The following LRIG3 variants were observed in gnomAD, a reference collection of about 807,000 sequenced individuals.
LRIG3 encodes leucine rich repeats and immunoglobulin like domains 3.
In LRIG3, 76 loss-of-function variants were observed where a neutral mutation model predicts 114.5. The ratio of observed to expected loss-of-function variants is 0.66; its 90% CI spans 0.55 to 0.80. The LOEUF (loss-of-function observed/expected upper bound fraction) is 0.80. LRIG3 is among the 30% of genes least tolerant of loss of function. LRIG3 has a pLI of 0.00. For missense variants in LRIG3, 1,239 were observed against 1,382.8 expected (o/e 0.90, Z 1.65); for synonymous variants, 512 against 519.8 (o/e 0.98, Z 0.20).
chr12:58,880,820 G>C lies in LRIG3; in HGVS notation c.1562C>G (p.Ser521Ter), dbSNP rs1310530851. 6.2e-7 allele frequency: 1 copy of C among 1,614,188 alleles called. No individual in the cohort carries two copies. Among genetic ancestry groups the C allele is most frequent in the Admixed American group, 1.7e-5 (1 of 60,038 alleles). The change falls in exon 13 of 19, where the codon TCA becomes TGA. Residue 521 changes from serine to a stop codon, truncating the protein, a stop_gained. Coordinates refer to ENST00000320743, the MANE Select transcript of LRIG3 (RefSeq NM_153377.5). LOFTEE classifies it high-confidence loss of function. Reference sequence around the variant, plus strand: ...TGGGGAATCACTGCTGCTGGCAGCTGAGCAGATGAAACTCAAATTGGAACC... The same window carrying C: ...TGGGGAATCACTGCTGCTGGCAGCTCAGCAGATGAAACTCAAATTGGAACC... ...IKGSNLSFICSAASSSDSPMT... is the reference protein window; with the variant it reads ...IKGSNLSFIC
At chr12:58,919,362 C>G (rs992275293) in intron 1 of LRIG3, 25 of 1,548,908 alleles carry the variant, frequency 1.6e-5, no homozygotes, top group Non-Finnish European at 2.2e-5. Flanking sequence ...TCTGGATAAT[C>G]GAGTTCCGCC....
rs972950095 is a variant in LRIG3, at chr12:58,877,258, C to T, written c.2536+142G>A. 18 of 820,424 alleles carry T rather than the reference C, an allele frequency of 2.2e-5. 1 individual carries two copies. The highest frequency in any genetic ancestry group is 3.7e-4 in the Middle Eastern group (1 of 2,726). The allele number at this position is 820,424 out of a possible 1,614,324, so 50.8% of individuals were successfully genotyped here. On this transcript the variant is annotated intron_variant, in intron 15 of 18. Transcript: ENST00000320743. ...TTTATTTGGGGCTGGAGTTTTTTAGCGAATCATATTTCTGCAGCTTGAAAC... is the reference window on the plus strand; with the variant it reads ...TTTATTTGGGGCTGGAGTTTTTTAGTGAATCATATTTCTGCAGCTTGAAAC...
At chr12:58,914,588 C>T (rs1872407886) in intron 1 of LRIG3, 1 of 407,906 alleles carries the variant, frequency 2.5e-6, no homozygotes, top group Admixed American at 3.9e-5. Context: ...TTTTTTGGCA[C>T]GTGGTGAACA....
At chr12:58,891,453 C>T (rs547449232) in intron 3 of LRIG3, among the ~76,000 whole-genome samples, 2 of 152,204 alleles carry the variant, frequency 1.3e-5, no homozygotes, top group South Asian at 2.1e-4. Context: ...AAATGGTATA[C>T]GAAATGCCTA....
chr12:58,890,082 G>A lies in LRIG3; in HGVS notation c.573C>T (p.Ala191=), dbSNP rs141241325. The change falls in exon 5 of 19, where the codon GCC becomes GCT. Residue 191 remains alanine, a synonymous_variant. Transcript: ENST00000320743. ...SMEPGYFDNL[A]NTLLVLKLNR... is the part of the protein sequence containing the mutation. ...TCAGCTTTAACACAAGGAGTGTGTTGGCCAAATTGTCAAAATACCCAGGTT... is the reference window on the plus strand; with the variant it reads ...TCAGCTTTAACACAAGGAGTGTGTTAGCCAAATTGTCAAAATACCCAGGTT... 1.5e-5 allele frequency: 24 copies of A among 1,613,874 alleles called. No homozygotes were observed. The African/African-American group carries it at 3.1e-4, about 21-fold the overall frequency.
intron 7 of LRIG3, 92 bp downstream of exon 7, chr12:58,888,237 T>C: frequency 1.4e-6 from 2 of 1,449,064 alleles, no homozygotes; most frequent in South Asian, 1.4e-5. Flanking sequence ...GAAACTTTGT[T>C]ATGAAAATTT....
chr12:58,877,470 C>T lies in LRIG3; in HGVS notation c.2466G>A (p.Thr822=), dbSNP rs754854398. ...ATATGATGACCACCCACACGAGTGA[C>T]GTGCCCACCACACAGCAAACCACGG... The part of the protein sequence containing the change: ...IIAVVCCVVG[T]SLVWVVIIYH... Residue 822 remains threonine, a synonymous_variant, in exon 15 of 19, where the codon ACG becomes ACA. Transcript: ENST00000320743. 35 of 1,614,072 alleles carry T rather than the reference C, an allele frequency of 2.2e-5. 1 individual carries two copies. The highest frequency in any genetic ancestry group is 5.5e-5 in the South Asian group (5 of 91,092).
chr12:58,887,818 G>C lies in LRIG3; in HGVS notation c.1062C>G (p.Ala354=). Residue 354 remains alanine (A), a synonymous_variant, in exon 8 of 19, where the codon GCC becomes GCG. Coordinates refer to ENST00000320743, the MANE Select transcript of LRIG3 (RefSeq NM_153377.5). ...TCTTTAAACTGGAAAGCCCCCGGAA[G>C]GCACAATCAGCAATGTAGCTGACTC... ...NNRVSYIADC[A]FRGLSSLKTL... 1 of 1,613,780 alleles carries C rather than the reference G, an allele frequency of 6.2e-7. No individual in the cohort carries two copies. Among genetic ancestry groups the C allele is most frequent in the Non-Finnish European group, 8.5e-7 (1 of 1,179,774 alleles).
At chr12:58,874,018 T>C (rs751089759) in intron 18 of LRIG3, 37 bp downstream of exon 18, 2 of 1,608,970 alleles carry the variant, frequency 1.2e-6, no homozygotes, top group Non-Finnish European at 1.7e-6. Context: ...GGAGTATGGA[T>C]CCTCAGACGA....
At chr12:58,895,666 ATGG>A (rs1163029285) in intron 3 of LRIG3, among the ~76,000 whole-genome samples, 1 of 152,128 alleles carries the variant, frequency 6.6e-6, no homozygotes, top group Non-Finnish European at 1.5e-5. Flanking sequence ...AGGATGTCAA[ATGG>A]TGGGGTGACA....
At position 58,872,775 on chromosome 12, in the gene LRIG3, A is replaced by T. The variant is rs776468775; in HGVS notation, c.3157T>A (p.Tyr1053Asn). The change falls in exon 19 of 19, where the codon TAT (tyrosine) becomes AAT (asparagine). Residue 1053 changes from tyrosine (Y) to asparagine (N), a missense_variant. Transcript: ENST00000320743. The part of the protein sequence containing the change: ...KALRRPHLDA[Y>N]SSFGQPSDCQ... ...TCTGATGGCTGTCCAAAGCTTGAATAGGCATCTAGGTGAGGTCTCCTGAGA... is the reference window on the plus strand; with the variant it reads ...TCTGATGGCTGTCCAAAGCTTGAATTGGCATCTAGGTGAGGTCTCCTGAGA... 1.9e-6 allele frequency: 3 copies of T among 1,614,100 alleles called. No individual in the cohort carries two copies. Among genetic ancestry groups the T allele is most frequent in the Non-Finnish European group, 2.5e-6 (3 of 1,179,950 alleles).
chr12:58,906,815 A>G (rs191717386), intron 3 of LRIG3, among the ~76,000 whole-genome samples: 24 of 152,270 alleles, frequency 1.6e-4, no homozygotes, highest in African/African-American at 5.1e-4. Flanking sequence ...TCAAAGCCAC[A>G]TTTATTTGTT....
At chr12:58,880,522 G>A (rs1245702864) in intron 13 of LRIG3, 59 bp downstream of exon 13, 1 of 1,522,438 alleles carries the variant, frequency 6.6e-7, no homozygotes, top group Non-Finnish European at 9.0e-7. Flanking sequence ...GAGAAAAACA[G>A]GTGCTTTCTA....
intron 1 of LRIG3, among the ~76,000 whole-genome samples, chr12:58,919,016 C>A (rs1822287868): frequency 6.6e-6 from 1 of 152,180 alleles, no homozygotes; most frequent in Non-Finnish European, 1.5e-5. Flanking sequence ...TTAAAATTTT[C>A]ATTGCAATTC....
rs138679764 is a variant in LRIG3 at position 58,882,969 on chromosome 12, C to T, written c.1380G>A (p.Ala460=). 6,439 of 1,614,058 alleles carry T rather than the reference C, an allele frequency of 4.0e-3. 22 individuals are homozygous for T. The highest frequency in any genetic ancestry group is 4.5e-3 in the Non-Finnish European group (5,348 of 1,179,968). The change falls in exon 12 of 19, where the codon GCG becomes GCA. Residue 460 remains alanine, a synonymous_variant. Coordinates refer to ENST00000320743, the MANE Select transcript of LRIG3 (RefSeq NM_153377.5). ...CQLKWLPQWV[A]ENNFQSFVNA... is the part of the protein sequence containing the mutation. ...TTACAAAGCTCTGAAAGTTGTTTTC[C>T]GCCACCCACTGTGGGAGCCATTTTA...
intron 1 of LRIG3, among the ~76,000 whole-genome samples, chr12:58,917,128 C>G (rs1461905279): frequency 6.6e-6 from 1 of 152,056 alleles, no homozygotes; most frequent in African/African-American, 2.4e-5. Context: ...ACTATTACCC[C>G]CACCCCACCC....
At chr12:58,883,619 A>C in intron 10 of LRIG3, 28 bp from the exon 11 acceptor site, 1 of 1,492,544 alleles carries the variant, frequency 6.7e-7, no homozygotes, top group South Asian at 1.4e-5. Context: ...CAAATGCATC[A>C]GAGCAAACTA....
chr12:58,881,871 G>A (rs1871139477), intron 12 of LRIG3, among the ~76,000 whole-genome samples: 1 of 152,076 alleles, frequency 6.6e-6, no homozygotes, highest in South Asian at 2.1e-4. Context: ...ACAAGGAAGT[G>A]AAAAAAACGA....
At chr12:58,881,245 G>C (rs1871119215) in intron 12 of LRIG3, among the ~76,000 whole-genome samples, 1 of 152,060 alleles carries the variant, frequency 6.6e-6, no homozygotes, top group Non-Finnish European at 1.5e-5. Flanking sequence ...CCAGGCTCAG[G>C]GATCATTTTT....
Sources: gnomAD v4.1 joint callset for allele counts (sites outside exome capture counted in the v4.1 genomes callset) on GRCh38, gnomAD v4.1.1 for gene constraint, MANE v1.5 for transcripts, NCBI Gene and HGNC (gene_info 2026-07-23, HGNC 2026-07-21) for gene names.